CUBN: variants seen among roughly 807,000 people sequenced by gnomAD.
CUBN encodes 460 kDa receptor.
A neutral mutation model predicts 405.3 loss-of-function variants in CUBN; 282 were observed. The observed-to-expected ratio is 0.70, with a 90% CI of 0.63 to 0.77. The LOEUF (loss-of-function observed/expected upper bound fraction) is 0.77. Among genes scored for constraint, CUBN ranks in the 30% least tolerant of loss-of-function variants. CUBN has a pLI of 0.00. For synonymous variants in CUBN, 1,684 were observed against 1,617.0 expected (o/e 1.04, Z -0.99); for missense variants, 4,514 against 4,475.2 (o/e 1.01, Z -0.25).
At chr10:17,014,153 T>G (rs1834261914) in intron 28 of CUBN, among the ~76,000 whole-genome samples, 1 of 152,206 alleles carries the variant, frequency 6.6e-6, no homozygotes, top group African/African-American at 2.4e-5. Context: ...ATCCTTTCCT[T>G]GTATTATTTT....
intron 27 of CUBN, among the ~76,000 whole-genome samples, chr10:17,032,215 T>C (rs1171481281): frequency 6.6e-6 from 1 of 152,200 alleles, no homozygotes; most frequent in Non-Finnish European, 1.5e-5. Flanking sequence ...AGGCAGGAGC[T>C]GGGCTCTCTC....
At position 16,937,748 on chromosome 10, in the gene CUBN, C is replaced by A; in HGVS notation, c.5770G>T (p.Gly1924Ter). 1 of 1,613,956 alleles carries A rather than the reference C, an allele frequency of 6.2e-7. No individual in the cohort carries two copies. The highest frequency in any genetic ancestry group is 8.5e-7 in the Non-Finnish European group (1 of 1,179,974). ...TCAGTCTGGGTACCACAGTAAGCTC[C>A]AATTAGGCGGGCGTGAATGCTAGGC... is the stretch of plus-strand genomic sequence containing the variant. ...DGPSIHARLI[G>*]AYCGTQTESF... The change falls in exon 39 of 67, where the codon GGA becomes TGA. Residue 1924 changes from glycine to a stop codon, truncating the protein, a stop_gained. Transcript: ENST00000377833. LOFTEE classifies it high-confidence loss of function.
At chr10:16,928,366 G>T in intron 40 of CUBN, 63 bp from the exon 41 acceptor site, 1 of 1,573,256 alleles carries the variant, frequency 6.4e-7, no homozygotes, top group Non-Finnish European at 8.7e-7. Flanking sequence ...ACAATCATTT[G>T]CAGCTTAGCC....
At chr10:17,102,670 T>G (rs1038407084) in intron 13 of CUBN, among the ~76,000 whole-genome samples, 1 of 142,640 alleles carries the variant, frequency 7.0e-6, no homozygotes, top group Non-Finnish European at 1.5e-5. Context: ...ACAGTGGCAC[T>G]GTCTCTGCTC....
At chr10:16,890,670 T>C in intron 54 of CUBN, 143 bp from the exon 55 acceptor site, 1 of 856,064 alleles carries the variant, frequency 1.2e-6, no homozygotes, top group Admixed American at 2.0e-5. Context: ...CTGTAGTATT[T>C]TCTTTTGAGA....
rs569237834 is a variant in CUBN, at chr10:16,973,234, C to G, written c.4695+9250G>C. 9.1e-3 allele frequency among the ~76,000 whole-genome samples: 1,393 copies of G among 152,258 alleles called. 10 individuals are homozygous for G. Among genetic ancestry groups the G allele is most frequent in the Non-Finnish European group, 0.016 (1,055 of 68,018 alleles). ...TCCCCATCCTTCCCTTGCAGCCTCC[C>G]CTCGTGGCCTCACTGCTGCATTTCT... is the stretch of plus-strand genomic sequence containing the variant. On this transcript the variant is annotated intron_variant, in intron 31 of 66. Transcript: ENST00000377833.
chr10:17,000,973 T>C (rs768339331), intron 28 of CUBN, among the ~76,000 whole-genome samples: 1 of 152,190 alleles, frequency 6.6e-6, no homozygotes, highest in Non-Finnish European at 1.5e-5. Flanking sequence ...TTCTTAAAGA[T>C]GGTGTGTCCG....
chr10:16,979,340 A>C (rs116438903), intron 31 of CUBN, among the ~76,000 whole-genome samples: 146 of 152,166 alleles, frequency 9.6e-4, no homozygotes, highest in African/African-American at 3.3e-3. Context: ...TAGAAAAAAA[A>C]CTCTAAATTT....
chr10:17,081,131 C>T (rs1835956982), intron 17 of CUBN, among the ~76,000 whole-genome samples: 1 of 152,108 alleles, frequency 6.6e-6, no homozygotes, highest in African/African-American at 2.4e-5. Context: ...TTAATGAGTG[C>T]TTATGGAACT....
Position 17,023,475 on chromosome 10 carries a change from AC to A in CUBN, c.4018-3493del, listed in dbSNP as rs1198114981. ...CACACAGATGGGTAACGTCACCTCT[AC>A]AATTCATTCCCGCGCAAATTGACCA... is the stretch of plus-strand genomic sequence containing the variant. On this transcript the variant is annotated intron_variant, in intron 27 of 66. Coordinates refer to ENST00000377833, the MANE Select transcript of CUBN (RefSeq NM_001081.4). The A allele has an allele frequency of 8.1e-6, 3 of 370,434 alleles. No individual in the cohort carries two copies. The East Asian group carries it at 2.2e-4, about 28-fold the overall frequency. The allele number at this position is 370,434 out of a possible 1,614,324, so 22.9% of individuals were successfully genotyped here.
At chr10:16,856,916 A>G (rs1243892984) in intron 59 of CUBN, among the ~76,000 whole-genome samples, 1 of 152,176 alleles carries the variant, frequency 6.6e-6, no homozygotes, top group Non-Finnish European at 1.5e-5. Context: ...ACACCTAGAC[A>G]GCTTCCTTTC....
intron 60 of CUBN, among the ~76,000 whole-genome samples, chr10:16,846,114 T>G (rs1839501021): frequency 6.6e-6 from 1 of 152,242 alleles, no homozygotes; most frequent in Admixed American, 6.5e-5. Context: ...AGTTTTGATA[T>G]GCACCAAATT....
At chr10:17,112,276 A>G (rs1176905384) in intron 8 of CUBN, among the ~76,000 whole-genome samples, 1 of 152,166 alleles carries the variant, frequency 6.6e-6, no homozygotes, top group Non-Finnish European at 1.5e-5. Context: ...TGTACATGAA[A>G]AAAAGTTGGA....
At chr10:17,104,385 T>G in intron 12 of CUBN, 34 bp downstream of exon 12, 9 of 1,601,072 alleles carry the variant, frequency 5.6e-6, no homozygotes, top group South Asian at 1.1e-5. Context: ...TGCTATGCTG[T>G]GAGCATCCGT....
rs562661763 is a variant in CUBN, at chr10:17,118,006, T to G, written c.594-2409A>C. Among the ~76,000 whole-genome samples, 610 of 152,352 alleles carry G rather than the reference T, an allele frequency of 4.0e-3. 2 individuals are homozygous for G. The highest frequency in any genetic ancestry group is 6.9e-3 in the Non-Finnish European group (472 of 68,022). ...ATTTTATCACTAAGTGCTTAACTAT[T>G]GCAAAATGACATAAGATTTGAGAGG... On this transcript the variant is annotated intron_variant, in intron 6 of 66. Transcript: ENST00000377833.
intron 26 of CUBN, among the ~76,000 whole-genome samples, chr10:17,042,996 A>G (rs914905664): frequency 6.6e-6 from 1 of 152,196 alleles, no homozygotes; most frequent in African/African-American, 2.4e-5. Context: ...TTACTTTGAT[A>G]AAGTAAAAGT....
In CUBN at chr10:17,109,685, T is replaced by C. The variant is rs1448152334; in HGVS notation, c.1066A>G (p.Ser356Gly). Reference protein sequence around the residue: ...VCTLTDICSVSNGGCHPDASC... With the variant: ...VCTLTDICSVGNGGCHPDASC... ...GCATCTGGGTGGCAGCCTCCATTAC[T>C]GACTGAGCAGATGTCTGTGAGTGTG... The change falls in exon 10 of 67, where the codon AGT becomes GGT. Residue 356 changes from serine to glycine, a missense_variant. Ser to Gly is a moderately conservative substitution (Grantham distance 56, BLOSUM62 0). Transcript: ENST00000377833. 5.6e-6 allele frequency: 9 copies of C among 1,613,846 alleles called. No homozygotes were observed. Among genetic ancestry groups the C allele is most frequent in the African/African-American group, 1.3e-5 (1 of 74,890 alleles).
Position 16,890,546 on chromosome 10 carries a change from G to T in CUBN, c.8599-19C>A. The stretch of plus-strand genomic sequence containing the variant: ...CCCACACCTAGCACGGACATACACA[G>T]AACTTTAATGCTCAAGGGTTTCCCA... On this transcript the variant is annotated intron_variant, in intron 54 of 66. Transcript: ENST00000377833. 6.2e-7 allele frequency: 1 copy of T among 1,613,914 alleles called. No individual in the cohort carries two copies. Among genetic ancestry groups the T allele is most frequent in the Non-Finnish European group, 8.5e-7 (1 of 1,179,886 alleles).
chr10:16,975,272 G>A (rs1238797191), intron 31 of CUBN, among the ~76,000 whole-genome samples: 1 of 152,184 alleles, frequency 6.6e-6, no homozygotes, highest in African/African-American at 2.4e-5. Flanking sequence ...TCACATTTGA[G>A]GTTTCACTCC....
Sources: gnomAD v4.1 joint callset for allele counts (sites outside exome capture counted in the v4.1 genomes callset) on GRCh38, gnomAD v4.1.1 for gene constraint, MANE v1.5 for transcripts, NCBI Gene and HGNC (gene_info 2026-07-23, HGNC 2026-07-21) for gene names.